The following LRRC4C variants were observed in gnomAD, a reference collection of about 807,000 sequenced individuals.
The protein encoded by LRRC4C is leucine-rich repeat-containing protein 4C.
Under a neutral mutation model 33.6 loss-of-function variants are expected in LRRC4C, and 5 were observed. The ratio of observed to expected loss-of-function variants is 0.15; its 90% confidence interval spans 0.08 to 0.31. The LOEUF is 0.31. Among genes scored for constraint, LRRC4C ranks in the 10% least tolerant of loss-of-function variants. LRRC4C has a pLI of 1.00. For synonymous variants in LRRC4C, 329 were observed against 302.0 expected, an observed-to-expected ratio of 1.09 and a Z score of -0.93; for missense variants, 560 against 796.7, an observed-to-expected ratio of 0.70 and a Z score of 3.58.
intron 3 of LRRC4C, among the ~76,000 whole-genome samples, chr11:40,626,438 G>T (rs1338484719): frequency 6.6e-6 from 1 of 152,054 alleles, no homozygotes; most frequent in Non-Finnish European, 1.5e-5. Context: ...AGTTCCATGA[G>T]ATTTTTTTTT....
chr11:40,586,374 G>A (rs952296478), intron 3 of LRRC4C, among the ~76,000 whole-genome samples: 43 of 146,866 alleles, frequency 2.9e-4, no homozygotes, highest in African/African-American at 1.1e-3. Flanking sequence ...CTGGATATTA[G>A]CCCTTTGTCA....
At chr11:41,267,565 G>T (rs1206698659) in intron 1 of LRRC4C, among the ~76,000 whole-genome samples, 1 of 152,130 alleles carries the variant, frequency 6.6e-6, no homozygotes, top group Non-Finnish European at 1.5e-5. Context: ...TGCTTTGTAA[G>T]ACCTATTGCT....
intron 3 of LRRC4C, among the ~76,000 whole-genome samples, chr11:40,333,519 C>T (rs1946453310): frequency 2.0e-5 from 3 of 151,904 alleles, no homozygotes; most frequent in South Asian, 4.2e-4. Context: ...GAGTTCGAGA[C>T]CAGCATGGCC....
At chr11:40,149,659 A>T (rs1858025044) in intron 5 of LRRC4C, among the ~76,000 whole-genome samples, 1 of 152,120 alleles carries the variant, frequency 6.6e-6, no homozygotes, top group African/African-American at 2.4e-5. Flanking sequence ...AAAACATTAA[A>T]TTGATGGTCT....
intron 1 of LRRC4C, among the ~76,000 whole-genome samples, chr11:40,960,652 T>A (rs1444018039): frequency 6.6e-6 from 1 of 151,736 alleles, no homozygotes; most frequent in African/African-American, 2.4e-5. Flanking sequence ...ACTAAACATG[T>A]TGGTCATCCA....
chr11:40,397,875 G>T lies in LRRC4C; in HGVS notation c.-269-78154C>A, dbSNP rs538567303. ...GTAGAAAAATAAGCACTTTTATATA[G>T]TTCTGTTGGAAAAACAGTTTCATCT... On this transcript the variant is annotated intron_variant, in intron 3 of 6. Coordinates refer to ENST00000528697, the MANE Select transcript of LRRC4C (RefSeq NM_001258419.2). 9.2e-5 allele frequency among the ~76,000 whole-genome samples: 14 copies of T among 152,160 alleles called. 1 individual carries two copies. The South Asian group carries it at 2.5e-3, about 27-fold the overall frequency.
intron 3 of LRRC4C, among the ~76,000 whole-genome samples, chr11:40,401,146 A>C (rs1212858456): frequency 1.3e-5 from 2 of 150,654 alleles, no homozygotes; most frequent in African/African-American, 4.9e-5. Context: ...ACACATGGTG[A>C]GCAGGAATAG....
In LRRC4C at chr11:40,116,203, C is replaced by A. The variant is rs377286641; in HGVS notation, c.90G>T (p.Leu30=). The change falls in exon 7 of 7, where the codon CTG becomes CTT. Residue 30 remains leucine (L), a synonymous_variant. Transcript: ENST00000528697. ...CCACCACAAGAAGTTGAAGAGCCAG[C>A]AGCACCACAAGCAGGGGGTCAAATA... is the stretch of plus-strand genomic sequence containing the variant. ...RALFDPLLVV[L]LALQLLVVAG... The A allele has an allele frequency of 2.5e-6, 4 of 1,614,032 alleles. No individual in the cohort carries two copies. The highest frequency in any genetic ancestry group is 3.4e-6 in the Non-Finnish European group (4 of 1,179,990).
chr11:41,054,961 A>G (rs1392090147), intron 1 of LRRC4C, among the ~76,000 whole-genome samples: 1 of 152,152 alleles, frequency 6.6e-6, no homozygotes, highest in Non-Finnish European at 1.5e-5. Context: ...ATATATACAC[A>G]AAAAAATACA....
At chr11:41,239,331 A>AAG (rs1217802264) in intron 1 of LRRC4C, among the ~76,000 whole-genome samples, 5 of 150,368 alleles carry the variant, frequency 3.3e-5, no homozygotes, top group Non-Finnish European at 5.9e-5. Flanking sequence ...CAAAAAAAAA[A>AAG]AAAAAAAAAA....
At chr11:40,336,233 T>C (rs1023123243) in intron 3 of LRRC4C, among the ~76,000 whole-genome samples, 1 of 152,178 alleles carries the variant, frequency 6.6e-6, no homozygotes, top group Non-Finnish European at 1.5e-5. Context: ...CCTCTTTTTT[T>C]CTTGACAGAC....
intron 3 of LRRC4C, among the ~76,000 whole-genome samples, chr11:40,398,369 G>A (rs1401624570): frequency 6.6e-6 from 1 of 151,838 alleles, no homozygotes; most frequent in Non-Finnish European, 1.5e-5. Context: ...TATTTCATTA[G>A]AATATTAGCT....
chr11:40,215,011 C>G (rs957060615), intron 5 of LRRC4C, among the ~76,000 whole-genome samples: 2 of 152,212 alleles, frequency 1.3e-5, no homozygotes, highest in Middle Eastern at 3.4e-3. Context: ...GTCCTTACTC[C>G]TGTCTGCATA....
intron 1 of LRRC4C, among the ~76,000 whole-genome samples, chr11:41,163,836 T>C (rs1005330563): frequency 2.4e-4 from 36 of 152,136 alleles, no homozygotes; most frequent in Non-Finnish European, 4.6e-4. Context: ...GGTCTCGAAC[T>C]CCTGACCTCA....
intron 3 of LRRC4C, among the ~76,000 whole-genome samples, chr11:40,541,245 G>A (rs900912223): frequency 3.9e-5 from 6 of 152,086 alleles, no homozygotes; most frequent in African/African-American, 1.2e-4. Context: ...TCAGTGGCAT[G>A]ATATTAGCTT....
intron 2 of LRRC4C, among the ~76,000 whole-genome samples, chr11:40,821,890 T>G (rs1469745303): frequency 1.3e-5 from 2 of 151,732 alleles, no homozygotes; most frequent in African/African-American, 4.8e-5. Context: ...TTTATTGATT[T>G]GTAATAGTTA....
chr11:40,923,657 T>A (rs1327024943), intron 2 of LRRC4C, among the ~76,000 whole-genome samples: 2 of 152,180 alleles, frequency 1.3e-5, no homozygotes, highest in African/African-American at 4.8e-5. Flanking sequence ...AAACAACTGA[T>A]ATATTGAAGT....
At chr11:40,666,609 T>G (rs4341521) in intron 2 of LRRC4C, among the ~76,000 whole-genome samples, 96,804 of 152,030 alleles carry the variant, frequency 0.64, 30,971 homozygotes, top group East Asian at 0.71. Flanking sequence ...GAGAAGAATT[T>G]TTGCTAATAG....
chr11:40,917,386 T>C (rs1011706195), intron 2 of LRRC4C, among the ~76,000 whole-genome samples: 1 of 152,154 alleles, frequency 6.6e-6, no homozygotes, highest in African/African-American at 2.4e-5. Flanking sequence ...GGGCAGGACC[T>C]TCAGCTTCTG....
Sources: allele counts gnomAD v4.1 joint callset (sites outside exome capture counted in the v4.1 genomes callset), GRCh38; gene constraint gnomAD v4.1.1; transcripts MANE v1.5; gene names NCBI Gene and HGNC (gene_info 2026-07-23, HGNC 2026-07-21).